NBDY: variants seen among roughly 807,000 people sequenced by gnomAD.
NBDY encodes P-body dissociating protein.
intron 2 of NBDY, among the ~76,000 whole-genome samples, chrX:56,801,851 C>T (rs1363038305): frequency 4.5e-5 from 5 of 110,963 alleles, no homozygotes; most frequent in African/African-American, 1.6e-4. Context: ...CAGACACAGA[C>T]ACAACCACAT....
At position 56,754,965 on chromosome X, in the gene NBDY, T is replaced by C. The variant is rs1403163622; in HGVS notation, c.*166+22766T>C. ...CCAAATACCTGAAATAATAAGTAAA[T>C]CAGAAATGAGAATGGAGCCACATAT... On this transcript the variant is annotated intron_variant, in intron 2 of 2. Transcript: ENST00000374922. 5.7e-4 allele frequency among the ~76,000 whole-genome samples: 63 copies of C among 110,881 alleles called. No individual in the cohort carries two copies. The Admixed American group carries it at 6.0e-3, about 11-fold the overall frequency.
intron 2 of NBDY, among the ~76,000 whole-genome samples, chrX:56,754,301 G>T (rs765807816): frequency 1.8e-5 from 2 of 111,592 alleles, no homozygotes; most frequent in African/African-American, 6.5e-5. Flanking sequence ...TCAATAAAGC[G>T]ATAGTGAACT....
chrX:56,794,942 C>A (rs1392509403), intron 2 of NBDY, among the ~76,000 whole-genome samples: 1 of 112,217 alleles, frequency 8.9e-6, no homozygotes, highest in East Asian at 2.8e-4. Context: ...CTGAGACCTT[C>A]AGCGACCTCT....
chrX:56,758,583 A>T (rs1469737734), intron 2 of NBDY, among the ~76,000 whole-genome samples: 2 of 111,701 alleles, frequency 1.8e-5, no homozygotes, highest in Non-Finnish European at 3.8e-5. Context: ...ATATTTGATG[A>T]TGGAGCATGC....
intron 2 of NBDY, among the ~76,000 whole-genome samples, chrX:56,813,827 G>T (rs188194859): frequency 1.2e-3 from 130 of 111,408 alleles, no homozygotes; most frequent in African/African-American, 4.0e-3. Flanking sequence ...TGGTCAAACT[G>T]CTTAAAAACT....
chrX:56,791,871 C>T (rs2069765883), intron 2 of NBDY, among the ~76,000 whole-genome samples: 1 of 108,940 alleles, frequency 9.2e-6, no homozygotes, highest in Non-Finnish European at 1.9e-5. Context: ...TTTCCTCCTC[C>T]TCCTCCTTCT....
intron 2 of NBDY, chrX:56,737,531 C>T: frequency 1.0e-6 from 1 of 952,691 alleles, no homozygotes; most frequent in Non-Finnish European, 1.5e-6. Context: ...TTTTCGAATA[C>T]CATCCAGCCA....
intron 2 of NBDY, among the ~76,000 whole-genome samples, chrX:56,766,927 A>C (rs760343475): frequency 4.4e-5 from 5 of 112,436 alleles, no homozygotes; most frequent in Non-Finnish European, 9.4e-5. Flanking sequence ...TGAGTTGCTG[A>C]ATGTCCCCGC....
chrX:56,799,967 T>C (rs765177670), intron 2 of NBDY, among the ~76,000 whole-genome samples: 2 of 109,136 alleles, frequency 1.8e-5, no homozygotes, highest in Non-Finnish European at 3.8e-5. Context: ...TGCTGTGGAT[T>C]TGTAGCACCG....
At chrX:56,738,081 A>G (rs1025276824) in intron 2 of NBDY, among the ~76,000 whole-genome samples, 1 of 111,930 alleles carries the variant, frequency 8.9e-6, no homozygotes. Context: ...AGTTGTCCCA[A>G]TAATGTCTTT....
intron 2 of NBDY, among the ~76,000 whole-genome samples, chrX:56,812,348 C>A (rs1193173042): frequency 9.1e-6 from 1 of 110,423 alleles, no homozygotes. Context: ...TGGCTGACCC[C>A]TGAAGTGCAT....
At chrX:56,735,316 C>G (rs1393949163) in intron 2 of NBDY, among the ~76,000 whole-genome samples, 2 of 112,373 alleles carry the variant, frequency 1.8e-5, no homozygotes, top group Non-Finnish European at 3.8e-5. Context: ...CACTTGGTCT[C>G]GTTTGGAAGA....
At chrX:56,744,572 A>G (rs997441152) in intron 2 of NBDY, among the ~76,000 whole-genome samples, 9 of 111,703 alleles carry the variant, frequency 8.1e-5, no homozygotes, top group Non-Finnish European at 1.3e-4. Flanking sequence ...TTACCAATAG[A>G]ATTTATAATT....
chrX:56,788,002 C>A (rs1361406875), intron 2 of NBDY, among the ~76,000 whole-genome samples: 2 of 112,648 alleles, frequency 1.8e-5, no homozygotes, highest in Admixed American at 1.9e-4. Context: ...TGATCCCAGT[C>A]CTCCTGTGGT....
At chrX:56,781,194 C>G (rs1454296819) in intron 2 of NBDY, among the ~76,000 whole-genome samples, 1 of 111,847 alleles carries the variant, frequency 8.9e-6, no homozygotes, top group African/African-American at 3.3e-5. Context: ...TCCTCAGGCA[C>G]ATACAAGTAT....
chrX:56,797,486 G>C (rs2069799396), intron 2 of NBDY, among the ~76,000 whole-genome samples: 1 of 110,264 alleles, frequency 9.1e-6, no homozygotes, highest in South Asian at 3.9e-4. Flanking sequence ...GAACAGCGAT[G>C]AAGGTCACCA....
chrX:56,805,205 C>T (rs1409940816), intron 2 of NBDY, among the ~76,000 whole-genome samples: 2 of 112,549 alleles, frequency 1.8e-5, no homozygotes, highest in African/African-American at 6.5e-5. Flanking sequence ...TAGTAATCAC[C>T]ATGGGGGCAC....
intron 2 of NBDY, among the ~76,000 whole-genome samples, chrX:56,812,474 C>T (rs975217720): frequency 1.8e-5 from 2 of 109,804 alleles, no homozygotes; most frequent in African/African-American, 6.7e-5. Context: ...TTCCAGAGTC[C>T]TTCCCTCCCT....
intron 2 of NBDY, among the ~76,000 whole-genome samples, chrX:56,758,406 C>G (rs1459356150): frequency 9.1e-6 from 1 of 110,421 alleles, no homozygotes; most frequent in Non-Finnish European, 1.9e-5. Context: ...AGAACAGGGT[C>G]GAGAAAGGCA....
Sources: allele counts gnomAD v4.1 joint callset (sites outside exome capture counted in the v4.1 genomes callset), GRCh38; gene constraint gnomAD v4.1.1; transcripts MANE v1.5; gene names NCBI Gene and HGNC (gene_info 2026-07-23, HGNC 2026-07-21).